The following PRKG1 variants were observed in gnomAD, a reference collection of about 807,000 sequenced individuals.
PRKG1 encodes the protein cGMP-dependent protein kinase 1.
In PRKG1, 35 loss-of-function variants were observed where a neutral mutation model predicts 88.1. The ratio of observed to expected loss-of-function variants is 0.40; its 90% CI spans 0.30 to 0.53. The LOEUF (loss-of-function observed/expected upper bound fraction) is 0.53, where lower values mean the gene tolerates loss of function less well. Among genes scored for constraint, PRKG1 ranks in the 20% least tolerant of loss-of-function variants. PRKG1 has a pLI of 0.59. For missense variants in PRKG1, 540 were observed against 839.8 expected (o/e 0.64, Z 4.41); for synonymous variants, 303 against 292.5 (o/e 1.04, Z -0.37).
At chr10:51,290,686 C>T (rs891435851) in intron 2 of PRKG1, among the ~76,000 whole-genome samples, 1 of 152,102 alleles carries the variant, frequency 6.6e-6, no homozygotes, top group Non-Finnish European at 1.5e-5. Flanking sequence ...CCTTAGGCCA[C>T]CCCACCCCGG....
chr10:51,463,006 C>A (rs1202238875), intron 2 of PRKG1, among the ~76,000 whole-genome samples: 1 of 152,036 alleles, frequency 6.6e-6, no homozygotes, highest in Non-Finnish European at 1.5e-5. Context: ...TAGTAACAGA[C>A]CTAATAGCCT....
chr10:51,187,708 G>C (rs1281298229), intron 2 of PRKG1, among the ~76,000 whole-genome samples: 1 of 151,922 alleles, frequency 6.6e-6, no homozygotes, highest in African/African-American at 2.4e-5. Flanking sequence ...TCCTATTACA[G>C]TTCTACAGAC....
At chr10:51,691,356 G>A (rs1398403520) in intron 3 of PRKG1, among the ~76,000 whole-genome samples, 1 of 148,154 alleles carries the variant, frequency 6.7e-6, no homozygotes, top group East Asian at 2.0e-4. Context: ...CACCCAGGCT[G>A]GAGTGCAGTG....
rs115664274 is a variant in PRKG1 at position 51,255,936 on chromosome 10, G to A, written c.478+102606G>A. 5.8e-3 allele frequency among the ~76,000 whole-genome samples: 885 copies of A among 152,132 alleles called. 4 individuals are homozygous for A. The highest frequency in any genetic ancestry group is 0.02 in the African/African-American group (841 of 41,520). On this transcript the variant is annotated intron_variant, in intron 2 of 17. Transcript: ENST00000373980. ...CATAGCCACCTCCTTTTGCAGATGAGGGAAATAAGGGCCCAGAGAAGACTT... is the reference window on the plus strand; with the variant it reads ...CATAGCCACCTCCTTTTGCAGATGAAGGAAATAAGGGCCCAGAGAAGACTT...
At chr10:51,955,709 C>A (rs1042710794) in intron 5 of PRKG1, among the ~76,000 whole-genome samples, 2 of 152,088 alleles carry the variant, frequency 1.3e-5, no homozygotes, top group South Asian at 4.1e-4. Context: ...TTAATGTTAA[C>A]TAGTTTATAC....
At chr10:51,023,881 A>G (rs1027634622) in intron 1 of PRKG1, among the ~76,000 whole-genome samples, 5 of 152,238 alleles carry the variant, frequency 3.3e-5, no homozygotes, top group African/African-American at 1.2e-4. Flanking sequence ...TTTAGCCAAG[A>G]ACATTCAGAA....
intron 3 of PRKG1, among the ~76,000 whole-genome samples, chr10:51,540,374 C>A (rs996944892): frequency 6.6e-6 from 1 of 152,116 alleles, no homozygotes; most frequent in African/African-American, 2.4e-5. Flanking sequence ...ACCAAGTCAA[C>A]TGAAAAGTTT....
At chr10:51,458,421 A>G (rs1839650996) in intron 2 of PRKG1, among the ~76,000 whole-genome samples, 1 of 140,760 alleles carries the variant, frequency 7.1e-6, no homozygotes, top group South Asian at 2.2e-4. Flanking sequence ...ATCAATGAGT[A>G]TTTAATAACC....
At chr10:51,710,425 A>C (rs1841715623) in intron 3 of PRKG1, among the ~76,000 whole-genome samples, 2 of 152,120 alleles carry the variant, frequency 1.3e-5, no homozygotes. Context: ...ACCTGTACAT[A>C]CTGAAGATAG....
intron 10 of PRKG1, among the ~76,000 whole-genome samples, chr10:52,261,790 A>G (rs1336855542): frequency 6.6e-6 from 1 of 152,120 alleles, no homozygotes; most frequent in Non-Finnish European, 1.5e-5. Context: ...TTAAGTTAAT[A>G]ATAGAATTAG....
At chr10:51,370,716 CT>C (rs1170782657) in intron 2 of PRKG1, among the ~76,000 whole-genome samples, 11 of 152,034 alleles carry the variant, frequency 7.2e-5, no homozygotes, top group African/African-American at 2.7e-4. Flanking sequence ...TATATTTTCT[CT>C]AATCCAGTAC....
intron 1 of PRKG1, among the ~76,000 whole-genome samples, chr10:51,080,505 G>GGCT (rs1343160657): frequency 6.6e-6 from 1 of 152,100 alleles, no homozygotes; most frequent in Non-Finnish European, 1.5e-5. Context: ...TCGAACACCA[G>GGCT]GCTGCTGCTC....
At chr10:51,498,792 A>G (rs1317350331) in intron 3 of PRKG1, among the ~76,000 whole-genome samples, 1 of 152,112 alleles carries the variant, frequency 6.6e-6, no homozygotes, top group Non-Finnish European at 1.5e-5. Context: ...CGTTCTCTGA[A>G]TACTCTTCTT....
chr10:51,544,386 A>C (rs370458600), intron 3 of PRKG1, among the ~76,000 whole-genome samples: 201 of 152,104 alleles, frequency 1.3e-3, no homozygotes, highest in Middle Eastern at 6.8e-3. Flanking sequence ...GACATGAACT[A>C]ATCCTTTTTT....
At chr10:51,898,623 C>T (rs1841910086) in intron 4 of PRKG1, among the ~76,000 whole-genome samples, 1 of 152,058 alleles carries the variant, frequency 6.6e-6, no homozygotes, top group South Asian at 2.1e-4. Context: ...TCACTTGAGG[C>T]CAGGTGTTTG....
At chr10:51,597,819 T>C (rs1396813585) in intron 3 of PRKG1, among the ~76,000 whole-genome samples, 1 of 152,178 alleles carries the variant, frequency 6.6e-6, no homozygotes, top group Non-Finnish European at 1.5e-5. Flanking sequence ...CACTCTGACA[T>C]TCCTCAAAAG....
intron 2 of PRKG1, among the ~76,000 whole-genome samples, chr10:51,334,827 G>A (rs1051179263): frequency 1.3e-5 from 2 of 152,070 alleles, no homozygotes; most frequent in Admixed American, 1.3e-4. Flanking sequence ...CTAATTAGAG[G>A]AGAGCAGAGG....
chr10:51,744,447 C>A (rs998022991), intron 3 of PRKG1, among the ~76,000 whole-genome samples: 1 of 152,120 alleles, frequency 6.6e-6, no homozygotes, highest in African/African-American at 2.4e-5. Flanking sequence ...AGAGAGGAAC[C>A]ACAGCCAGTT....
At chr10:51,373,011 C>T (rs79852638) in intron 2 of PRKG1, among the ~76,000 whole-genome samples, 4,093 of 152,126 alleles carry the variant, frequency 0.027, 181 homozygotes, top group African/African-American at 0.093. Flanking sequence ...ATGTCTCTGA[C>T]AGGTTTAAGG....
Sources: gnomAD v4.1 joint callset for allele counts (sites outside exome capture counted in the v4.1 genomes callset) on GRCh38, gnomAD v4.1.1 for gene constraint, MANE v1.5 for transcripts, NCBI Gene and HGNC (gene_info 2026-07-23, HGNC 2026-07-21) for gene names.